ILRUN: variants seen among roughly 807,000 people sequenced by gnomAD.
ILRUN encodes protein ILRUN.
Under a neutral mutation model 33.8 loss-of-function variants are expected in ILRUN, and 3 were observed. The observed-to-expected ratio is 0.09, with a 90% CI of 0.04 to 0.23. The LOEUF (loss-of-function observed/expected upper bound fraction) is 0.23, where lower values mean the gene tolerates loss of function less well. Among genes scored for constraint, ILRUN ranks in the 10% least tolerant of loss-of-function variants. The pLI is 1.00. For missense variants in ILRUN, 210 were observed against 375.1 expected, an observed-to-expected ratio of 0.56 and a Z score of 3.64; for synonymous variants, 124 against 138.9, an observed-to-expected ratio of 0.89 and a Z score of 0.75.
chr6:34,663,012 T>C (rs1483021497), intron 1 of ILRUN, among the ~76,000 whole-genome samples: 2 of 152,144 alleles, frequency 1.3e-5, no homozygotes, highest in Non-Finnish European at 2.9e-5. Flanking sequence ...GAGGATCCCT[T>C]GAGCCCGGGA....
intron 3 of ILRUN, among the ~76,000 whole-genome samples, chr6:34,638,836 C>T (rs1027174911): frequency 6.6e-6 from 1 of 152,088 alleles, no homozygotes. Flanking sequence ...GCAGATGAAG[C>T]CTTTTTGAGT....
At position 34,630,237 on chromosome 6, in the gene ILRUN, T is replaced by A. The variant is rs542432277; in HGVS notation, c.511+16364A>T. Among the ~76,000 whole-genome samples the A allele has an allele frequency of 2.0e-5, 3 of 152,288 alleles. No individual in the cohort carries two copies. The East Asian group carries it at 5.8e-4, about 29-fold the overall frequency. On this transcript the variant is annotated intron_variant, in intron 3 of 4. Coordinates refer to ENST00000374023, the MANE Select transcript of ILRUN (RefSeq NM_024294.4). Reference sequence around the variant, plus strand: ...AGATGGAACGCTCCTGAGAATGGAATGCAATTTAAAACTTAAGAACTGTTT... The same window carrying A: ...AGATGGAACGCTCCTGAGAATGGAAAGCAATTTAAAACTTAAGAACTGTTT...
intron 3 of ILRUN, among the ~76,000 whole-genome samples, chr6:34,610,369 A>G (rs2127325818): frequency 6.6e-6 from 1 of 152,278 alleles, no homozygotes; most frequent in South Asian, 2.1e-4. Context: ...GAAGTGGGAC[A>G]ATCCAATAGC....
chr6:34,650,408 TTTA>T (rs1428297491), intron 2 of ILRUN, among the ~76,000 whole-genome samples: 16 of 16,990 alleles, frequency 9.4e-4, no homozygotes, highest in African/African-American at 4.7e-3. Flanking sequence ...TTTATTTATT[TTTA>T]TTTATTTATT....
chr6:34,631,478 C>T (rs373393107), intron 3 of ILRUN, among the ~76,000 whole-genome samples: 2 of 152,126 alleles, frequency 1.3e-5, no homozygotes, highest in African/African-American at 4.8e-5. Context: ...CAGGCATGTA[C>T]CACCACGCCC....
intron 4 of ILRUN, among the ~76,000 whole-genome samples, chr6:34,603,081 G>A (rs1761548187): frequency 6.6e-6 from 1 of 152,212 alleles, no homozygotes; most frequent in Non-Finnish European, 1.5e-5. Context: ...TAAAACTGTG[G>A]TCATAGGCTT....
intron 4 of ILRUN, among the ~76,000 whole-genome samples, chr6:34,599,578 A>C (rs1270322544): frequency 3.3e-5 from 5 of 152,200 alleles, no homozygotes; most frequent in African/African-American, 1.2e-4. Flanking sequence ...TAACTGGCCC[A>C]AAATGTCAAC....
At chr6:34,638,379 T>G (rs555096554) in intron 3 of ILRUN, among the ~76,000 whole-genome samples, 9 of 152,284 alleles carry the variant, frequency 5.9e-5, no homozygotes, top group African/African-American at 2.2e-4. Context: ...CTAAAATATT[T>G]TCCATACAAG....
chr6:34,594,383 C>G (rs1383127554), intron 4 of ILRUN, among the ~76,000 whole-genome samples: 1 of 152,178 alleles, frequency 6.6e-6, no homozygotes, highest in Non-Finnish European at 1.5e-5. Context: ...TAGGGACTAG[C>G]AGCAAGACTG....
At chr6:34,603,104 G>A (rs1203627969) in intron 4 of ILRUN, among the ~76,000 whole-genome samples, 106 of 152,208 alleles carry the variant, frequency 7.0e-4, no homozygotes, top group Non-Finnish European at 1.5e-5. Context: ...AGAGCATCAC[G>A]TTCTTTCCCA....
intron 1 of ILRUN, among the ~76,000 whole-genome samples, chr6:34,686,394 G>C (rs545738855): frequency 2.7e-5 from 4 of 147,860 alleles, no homozygotes; most frequent in African/African-American, 1.0e-4. Context: ...CAGCTACTCA[G>C]GAGGCTGAGG....
chr6:34,683,471 TACACA>T (rs1562033052), intron 1 of ILRUN, among the ~76,000 whole-genome samples: 1 of 113,082 alleles, frequency 8.8e-6, no homozygotes, highest in African/African-American at 3.7e-5. Flanking sequence ...TACATATATA[TACACA>T]TATATATATA....
Position 34,588,004 on chromosome 6 carries a change from G to A in ILRUN, c.*2561C>T, listed in dbSNP as rs1018726871. 3 of 398,416 alleles carry A rather than the reference G, an allele frequency of 7.5e-6. No homozygotes were observed. Among genetic ancestry groups the A allele is most frequent in the Admixed American group, 4.4e-5 (1 of 22,720 alleles). 24.7% of individuals were successfully genotyped at this position (398,416 alleles called of 1,614,324 possible). On this transcript the variant is annotated 3_prime_UTR_variant, in exon 5 of 5. Coordinates refer to ENST00000374023, the MANE Select transcript of ILRUN (RefSeq NM_024294.4). ...GGAGCAGGGACTATTGGGGCTGAGA[G>A]GTAGCCACTACCACCCCACTAGGCA... is the stretch of plus-strand genomic sequence containing the variant.
chr6:34,636,779 T>C (rs1762374910), intron 3 of ILRUN, among the ~76,000 whole-genome samples: 1 of 152,236 alleles, frequency 6.6e-6, no homozygotes, highest in Admixed American at 6.5e-5. Flanking sequence ...AAGTCAATTA[T>C]GCTTACTTCC....
chr6:34,642,981 G>GAA (rs1157332978), intron 3 of ILRUN, among the ~76,000 whole-genome samples: 1 of 135,322 alleles, frequency 7.4e-6, no homozygotes, highest in African/African-American at 2.7e-5. Context: ...TGACCAAGGA[G>GAA]AAAAAAAAAA....
chr6:34,685,189 A>G (rs1763487802), intron 1 of ILRUN, among the ~76,000 whole-genome samples: 1 of 152,198 alleles, frequency 6.6e-6, no homozygotes, highest in Admixed American at 6.5e-5. Flanking sequence ...GTGGAAATTA[A>G]CTGGATTTAG....
At chr6:34,658,540 C>T (rs1431846206) in intron 1 of ILRUN, among the ~76,000 whole-genome samples, 1 of 144,542 alleles carries the variant, frequency 6.9e-6, no homozygotes. Context: ...GACACAGTGG[C>T]TCACACCCAT....
rs955696446 is a variant in ILRUN, at chr6:34,628,776, G to C, written c.511+17825C>G. Among the ~76,000 whole-genome samples, 3 of 151,928 alleles carry C rather than the reference G, an allele frequency of 2.0e-5. No homozygotes were observed. The East Asian group carries it at 5.8e-4, about 29-fold the overall frequency. On this transcript the variant is annotated intron_variant, in intron 3 of 4. Coordinates refer to ENST00000374023, the MANE Select transcript of ILRUN (RefSeq NM_024294.4). ...GGGTAACGTTGGCCTCACAGAAGGA[G>C]TTAGGAAGTATTCCATTTGCTTCTA...
At chr6:34,690,507 G>C (rs1184191792) in intron 1 of ILRUN, among the ~76,000 whole-genome samples, 1 of 151,634 alleles carries the variant, frequency 6.6e-6, no homozygotes, top group Non-Finnish European at 1.5e-5. Context: ...TTGATTAAAA[G>C]GGTAAATTTT....
Sources: allele counts gnomAD v4.1 joint callset (sites outside exome capture counted in the v4.1 genomes callset), GRCh38; gene constraint gnomAD v4.1.1; transcripts MANE v1.5; gene names NCBI Gene and HGNC (gene_info 2026-07-23, HGNC 2026-07-21).